PTN: variants seen among roughly 807,000 people sequenced by gnomAD.
PTN encodes pleiotrophin.
In PTN, 18 loss-of-function variants were observed where a neutral mutation model predicts 24.1. The ratio of observed to expected loss-of-function variants is 0.75; its 90% confidence interval spans 0.52 to 1.11. The LOEUF (loss-of-function observed/expected upper bound fraction) is 1.11, where lower values mean the gene tolerates loss of function less well. Among genes scored for constraint, PTN ranks in the 50% least tolerant of loss-of-function variants. The probability of loss-of-function intolerance (pLI) is 0.00; values close to 1 mark genes in which losing one functional copy is unlikely to be tolerated. For synonymous variants in PTN, 78 were observed against 68.6 expected (o/e 1.14, Z -0.67); for missense variants, 163 against 198.8 (o/e 0.82, Z 1.08).
chr7:137,312,257 CTG>C lies in PTN; in HGVS notation c.-2+31180_-2+31181del, dbSNP rs140996826. Reference sequence around the variant, plus strand: ...CCAGTGAAAATGAATATAAATTAGACTGTGCAGCAATGAGGCATTCAAATGAA... The same window carrying C: ...CCAGTGAAAATGAATATAAATTAGACTGCAGCAATGAGGCATTCAAATGAA... On this transcript the variant is annotated intron_variant, in intron 1 of 4. Transcript: ENST00000348225. Among the ~76,000 whole-genome samples the C allele has an allele frequency of 2.1e-3, 323 of 152,348 alleles. 2 individuals are homozygous for C. The highest frequency in any genetic ancestry group is 7.0e-3 in the African/African-American group (290 of 41,584).
intron 1 of PTN, among the ~76,000 whole-genome samples, chr7:137,267,316 T>TTC (rs35245896): frequency 0.69 from 104,343 of 151,296 alleles, 36,719 homozygotes; most frequent in African/African-American, 0.83. Flanking sequence ...TTGCCTCTTT[T>TTC]TCTCTCTTTC....
chr7:137,262,664 A>T (rs907043966), intron 1 of PTN, among the ~76,000 whole-genome samples: 21 of 152,078 alleles, frequency 1.4e-4, no homozygotes, highest in Non-Finnish European at 1.5e-5. Flanking sequence ...AACAACCCTA[A>T]GGGGGTCCAC....
At chr7:137,279,831 T>C (rs1470290558) in intron 1 of PTN, among the ~76,000 whole-genome samples, 3 of 152,328 alleles carry the variant, frequency 2.0e-5, no homozygotes, top group African/African-American at 7.2e-5. Context: ...TGGAGGTTGA[T>C]GAGGCTGAAG....
intron 1 of PTN, among the ~76,000 whole-genome samples, chr7:137,309,385 G>T (rs1809944476): frequency 6.6e-6 from 1 of 152,182 alleles, no homozygotes; most frequent in African/African-American, 2.4e-5. Context: ...GATGGCTGCT[G>T]AGTGATCAGG....
chr7:137,305,810 G>A (rs1052147869), intron 1 of PTN, among the ~76,000 whole-genome samples: 28 of 152,058 alleles, frequency 1.8e-4, no homozygotes, highest in Admixed American at 1.7e-3. Context: ...CCACGACCTG[G>A]AGCAGGGAAC....
Position 137,336,547 on chromosome 7 carries a change from G to C in PTN, c.-2+6892C>G, listed in dbSNP as rs562197599. On this transcript the variant is annotated intron_variant, in intron 1 of 4. Coordinates refer to ENST00000348225, the MANE Select transcript of PTN (RefSeq NM_002825.7). ...TTTGCCTGCCCAACCCCCAGGCCTTGAGCATGATCACATGCTCCGTATGTT... is the reference window on the plus strand; with the variant it reads ...TTTGCCTGCCCAACCCCCAGGCCTTCAGCATGATCACATGCTCCGTATGTT... Among the ~76,000 whole-genome samples, 3 of 152,264 alleles carry C rather than the reference G, an allele frequency of 2.0e-5. No homozygotes were observed. In the East Asian group the frequency reaches 5.8e-4, roughly 29 times the overall value.
chr7:137,327,291 G>C (rs1562971892), intron 1 of PTN, among the ~76,000 whole-genome samples: 1 of 152,082 alleles, frequency 6.6e-6, no homozygotes, highest in Non-Finnish European at 1.5e-5. Context: ...AATCTAACTT[G>C]ATATAATTCA....
At chr7:137,230,807 G>A (rs752638210) in intron 4 of PTN, among the ~76,000 whole-genome samples, 15 of 151,768 alleles carry the variant, frequency 9.9e-5, no homozygotes, top group African/African-American at 1.2e-4. Flanking sequence ...ACGCCCTTAC[G>A]TAATAGATGA....
chr7:137,310,390 GTTTT>G (rs36009703), intron 1 of PTN, among the ~76,000 whole-genome samples: 1 of 137,204 alleles, frequency 7.3e-6, no homozygotes, highest in African/African-American at 2.7e-5. Flanking sequence ...AAGTTACCAT[GTTTT>G]TTTTTTTTTG....
At chr7:137,228,302 G>C (rs1224862382) in intron 4 of PTN, among the ~76,000 whole-genome samples, 1 of 151,742 alleles carries the variant, frequency 6.6e-6, no homozygotes, top group Non-Finnish European at 1.5e-5. Flanking sequence ...GTGCCTGTGA[G>C]AGTGGGCAGG....
At chr7:137,249,279 G>T (rs1479701070) in intron 4 of PTN, among the ~76,000 whole-genome samples, 1 of 150,042 alleles carries the variant, frequency 6.7e-6, no homozygotes, top group Non-Finnish European at 1.5e-5. Context: ...GCACGTGTGT[G>T]TGTGTGTGTG....
At chr7:137,234,482 T>C (rs891383137) in intron 4 of PTN, among the ~76,000 whole-genome samples, 2 of 152,050 alleles carry the variant, frequency 1.3e-5, no homozygotes, top group African/African-American at 4.8e-5. Context: ...AAGTTACTCT[T>C]GAAAGGCAAA....
chr7:137,268,500 G>A (rs902128744), intron 1 of PTN, among the ~76,000 whole-genome samples: 3 of 152,126 alleles, frequency 2.0e-5, no homozygotes, highest in South Asian at 4.2e-4. Flanking sequence ...AACTCTAAGG[G>A]GGTCCACGTG....
intron 1 of PTN, among the ~76,000 whole-genome samples, chr7:137,339,617 G>C (rs1298994745): frequency 6.6e-6 from 1 of 151,056 alleles, no homozygotes; most frequent in African/African-American, 2.4e-5. Context: ...TCAGTAGAGA[G>C]GGCACTGGTG....
At chr7:137,287,278 T>C (rs1809571525) in intron 1 of PTN, among the ~76,000 whole-genome samples, 1 of 152,176 alleles carries the variant, frequency 6.6e-6, no homozygotes, top group African/African-American at 2.4e-5. Flanking sequence ...CACCTCTACT[T>C]ATAGTGCTTC....
intron 1 of PTN, among the ~76,000 whole-genome samples, chr7:137,265,130 A>G (rs922250498): frequency 7.9e-5 from 12 of 152,080 alleles, no homozygotes; most frequent in African/African-American, 2.9e-4. Flanking sequence ...ATTTTTATTA[A>G]CTGTCACCTA....
chr7:137,235,871 C>T (rs549241061), intron 4 of PTN, among the ~76,000 whole-genome samples: 13 of 152,134 alleles, frequency 8.5e-5, no homozygotes, highest in South Asian at 4.1e-4. Flanking sequence ...ATCAAGTATA[C>T]GTGAATAAAA....
chr7:137,241,565 T>A (rs1808628368), intron 4 of PTN, among the ~76,000 whole-genome samples: 1 of 152,152 alleles, frequency 6.6e-6, no homozygotes, highest in African/African-American at 2.4e-5. Flanking sequence ...CATTCTTACT[T>A]ACAGTGCTTC....
intron 4 of PTN, among the ~76,000 whole-genome samples, chr7:137,249,813 A>G (rs1045931524): frequency 2.0e-5 from 3 of 152,162 alleles, no homozygotes; most frequent in Admixed American, 2.0e-4. Flanking sequence ...AGAGATTTCC[A>G]TGATCTGGAA....
Sources: gnomAD v4.1 joint callset for allele counts (sites outside exome capture counted in the v4.1 genomes callset) on GRCh38, gnomAD v4.1.1 for gene constraint, MANE v1.5 for transcripts, NCBI Gene and HGNC (gene_info 2026-07-23, HGNC 2026-07-21) for gene names.